The following IQCM variants were observed in gnomAD, a reference collection of about 807,000 sequenced individuals.
The protein encoded by IQCM is IQ domain-containing protein M.
Under a neutral mutation model 57.6 loss-of-function variants are expected in IQCM, and 45 were observed. The ratio of observed to expected loss-of-function variants is 0.78; its 90% CI spans 0.62 to 1.00. The LOEUF (loss-of-function observed/expected upper bound fraction) is 1.00. Among genes scored for constraint, IQCM ranks in the 50% least tolerant of loss-of-function variants. The pLI, the probability that IQCM is intolerant of heterozygous loss-of-function variation, is 0.00. For synonymous variants in IQCM, 148 were observed against 158.9 expected (o/e 0.93, Z 0.51); for missense variants, 468 against 511.6 (o/e 0.91, Z 0.82).
intron 8 of IQCM, among the ~76,000 whole-genome samples, chr4:149,611,487 G>T (rs997777429): frequency 1.3e-5 from 2 of 152,024 alleles, no homozygotes; most frequent in Admixed American, 1.3e-4. Flanking sequence ...ATACACAATA[G>T]AATATTATTC....
intron 2 of IQCM, among the ~76,000 whole-genome samples, chr4:149,742,975 C>T (rs1292068644): frequency 6.6e-6 from 1 of 151,978 alleles, no homozygotes; most frequent in Non-Finnish European, 1.5e-5. Flanking sequence ...GTCTAGGCAA[C>T]CTGATAAGAA....
At chr4:149,761,533 T>C (rs1240461111) in intron 2 of IQCM, among the ~76,000 whole-genome samples, 3 of 152,108 alleles carry the variant, frequency 2.0e-5, no homozygotes, top group Admixed American at 6.6e-5. Context: ...GTCTTTCTTC[T>C]CCTGTAAGAA....
At chr4:149,389,697 G>C (rs1228087796) in intron 13 of IQCM, among the ~76,000 whole-genome samples, 4 of 146,540 alleles carry the variant, frequency 2.7e-5, no homozygotes, top group Non-Finnish European at 6.0e-5. Flanking sequence ...ATCACACTCT[G>C]GGGACTGTTG....
chr4:149,458,658 C>T (rs1225123128), intron 12 of IQCM, among the ~76,000 whole-genome samples: 4 of 151,924 alleles, frequency 2.6e-5, no homozygotes, highest in Non-Finnish European at 2.9e-5. Flanking sequence ...GAAATCCTAA[C>T]TATTTTACCC....
intron 13 of IQCM, among the ~76,000 whole-genome samples, chr4:149,396,726 A>G (rs997826644): frequency 2.0e-5 from 3 of 151,958 alleles, no homozygotes; most frequent in Non-Finnish European, 2.9e-5. Flanking sequence ...TATCTCTCCC[A>G]CTAGCCTCTG....
intron 7 of IQCM, among the ~76,000 whole-genome samples, chr4:149,659,925 G>C (rs903892315): frequency 6.6e-6 from 1 of 151,616 alleles, no homozygotes; most frequent in Non-Finnish European, 1.5e-5. Flanking sequence ...GCATGGGCAG[G>C]GACTTCATGT....
chr4:149,432,538 T>C (rs748152512), intron 13 of IQCM, among the ~76,000 whole-genome samples: 13 of 152,080 alleles, frequency 8.5e-5, no homozygotes, highest in South Asian at 2.1e-4. Context: ...CCTAAAACTA[T>C]AAAATTTATA....
chr4:149,371,730 A>T (rs1730383110), intron 13 of IQCM, among the ~76,000 whole-genome samples: 1 of 152,176 alleles, frequency 6.6e-6, no homozygotes, highest in African/African-American at 2.4e-5. Context: ...CAGATCATGA[A>T]AGTTAATTTT....
chr4:149,567,495 T>C (rs1473295046), intron 9 of IQCM, among the ~76,000 whole-genome samples: 1 of 151,872 alleles, frequency 6.6e-6, no homozygotes, highest in African/African-American at 2.4e-5. Context: ...TACAGGTGTG[T>C]GCCACCACAC....
chr4:149,354,380 A>AAAC (rs1553953454), intron 13 of IQCM, among the ~76,000 whole-genome samples: 7,985 of 131,318 alleles, frequency 0.061, 1,189 homozygotes, highest in African/African-American at 0.16. Context: ...AAAAAAAAAA[A>AAAC]AAAAAAAAAC....
chr4:149,591,030 T>G (rs1561030015), intron 8 of IQCM, among the ~76,000 whole-genome samples: 1 of 152,054 alleles, frequency 6.6e-6, no homozygotes, highest in Non-Finnish European at 1.5e-5. Context: ...ATGTAAGTCA[T>G]TTATTAAACT....
At chr4:149,664,478 G>A (rs1684964019) in intron 7 of IQCM, among the ~76,000 whole-genome samples, 1 of 152,106 alleles carries the variant, frequency 6.6e-6, no homozygotes, top group Non-Finnish European at 1.5e-5. Context: ...CAGATGGTCA[G>A]AGTGTCAGTT....
chr4:149,757,456 A>C (rs1351107630), intron 2 of IQCM, among the ~76,000 whole-genome samples: 1 of 152,154 alleles, frequency 6.6e-6, no homozygotes, highest in East Asian at 1.9e-4. Context: ...GCTATAGTTA[A>C]AACCAAAGAA....
At position 149,527,959 on chromosome 4, in the gene IQCM, A is replaced by C. The variant is rs567365327; in HGVS notation, c.1228+20496T>G. ...AGGTACTTAATGATGCTGCTTGGAT[A>C]TCTTCATGAGAGATTTATCTTGTTT... On this transcript the variant is annotated intron_variant, in intron 12 of 13. Coordinates refer to ENST00000636793, the MANE Select transcript of IQCM (RefSeq NM_001363507.2). Among the ~76,000 whole-genome samples, 8 of 150,258 alleles carry C rather than the reference A, an allele frequency of 5.3e-5. No homozygotes were observed. The South Asian group carries it at 1.7e-3, about 32-fold the overall frequency.
chr4:149,689,131 T>C (rs937531859), intron 5 of IQCM, among the ~76,000 whole-genome samples: 3 of 151,998 alleles, frequency 2.0e-5, no homozygotes, highest in Admixed American at 6.6e-5. Context: ...ATGGCACTGT[T>C]CACAATAGCA....
At chr4:149,632,116 C>T (rs1437901258) in intron 7 of IQCM, among the ~76,000 whole-genome samples, 1 of 152,124 alleles carries the variant, frequency 6.6e-6, no homozygotes, top group African/African-American at 2.4e-5. Flanking sequence ...GTTGATAATC[C>T]CAGCATTGGG....
intron 12 of IQCM, among the ~76,000 whole-genome samples, chr4:149,515,256 G>A (rs969057269): frequency 1.8e-4 from 28 of 152,034 alleles, no homozygotes; most frequent in Non-Finnish European, 3.2e-4. Flanking sequence ...GTTTGACTAT[G>A]GGTCATCAAG....
At chr4:149,447,323 C>T (rs1736621497) in intron 12 of IQCM, among the ~76,000 whole-genome samples, 1 of 151,564 alleles carries the variant, frequency 6.6e-6, no homozygotes, top group Admixed American at 6.6e-5. Flanking sequence ...GAAAATACAA[C>T]TCATACTGAG....
intron 5 of IQCM, among the ~76,000 whole-genome samples, chr4:149,698,540 C>A (rs1763511838): frequency 1.3e-5 from 2 of 152,114 alleles, no homozygotes; most frequent in South Asian, 4.1e-4. Context: ...TTTAACTTCA[C>A]CACGAAACTT....
Sources: allele counts gnomAD v4.1 joint callset (sites outside exome capture counted in the v4.1 genomes callset), GRCh38; gene constraint gnomAD v4.1.1; transcripts MANE v1.5; gene names NCBI Gene and HGNC (gene_info 2026-07-23, HGNC 2026-07-21).